The following DYSF variants were observed in gnomAD, a reference collection of about 807,000 sequenced individuals.
DYSF encodes dysferlin.
In DYSF, 212 loss-of-function variants were observed where a neutral mutation model predicts 274.9. That is an observed-to-expected ratio of 0.77 (90% CI 0.69 to 0.86). DYSF has a LOEUF of 0.86. Ranked by LOEUF, DYSF falls within the 40% of genes least tolerant of loss-of-function variation. DYSF has a pLI of 0.00. For missense variants in DYSF, 2,666 were observed against 2,783.2 expected (o/e 0.96, Z 0.95); for synonymous variants, 1,091 against 1,078.7 (o/e 1.01, Z -0.22).
At chr2:71,576,005 C>T (rs147268966) in intron 30 of DYSF, among the ~76,000 whole-genome samples, 80 of 152,322 alleles carry the variant, frequency 5.3e-4, no homozygotes, top group Non-Finnish European at 9.4e-4. Context: ...CAGCCCACAG[C>T]GCCACACTCT....
chr2:71,596,271 G>C (rs570209109), intron 32 of DYSF, among the ~76,000 whole-genome samples: 207 of 152,258 alleles, frequency 1.4e-3, no homozygotes, highest in Non-Finnish European at 2.5e-3. Context: ...CTGCTCGGGG[G>C]CCAGCGTGGG....
chr2:71,487,309 G>A (rs1169958092), intron 3 of DYSF, among the ~76,000 whole-genome samples: 4 of 152,174 alleles, frequency 2.6e-5, no homozygotes, highest in African/African-American at 9.7e-5. Context: ...TTTTGGAACA[G>A]TGTTTCCAAC....
At chr2:71,629,076 A>T (rs992427828) in intron 41 of DYSF, among the ~76,000 whole-genome samples, 3 of 152,158 alleles carry the variant, frequency 2.0e-5, no homozygotes, top group African/African-American at 7.2e-5. Context: ...TTCTCTCATC[A>T]TTTCTGGAAC....
chr2:71,515,580 C>T (rs1169512391), intron 7 of DYSF, 43 bp from the exon 8 acceptor site: 1 of 1,613,842 alleles, frequency 6.2e-7, no homozygotes, highest in African/African-American at 1.3e-5. Context: ...TGGTCCTTAA[C>T]TCTTCCCCCT....
intron 3 of DYSF, among the ~76,000 whole-genome samples, chr2:71,492,274 G>T (rs1267907626): frequency 6.6e-6 from 1 of 152,190 alleles, no homozygotes; most frequent in Non-Finnish European, 1.5e-5. Context: ...GCTCTGGAAT[G>T]TCCTGCTGTT....
chr2:71,539,212 A>T lies in DYSF; in HGVS notation c.1549A>T (p.Ile517Phe), dbSNP rs765472161. 5.1e-5 allele frequency: 82 copies of T among 1,613,792 alleles called. No homozygotes were observed. Among genetic ancestry groups the T allele is most frequent in the Non-Finnish European group, 6.6e-5 (78 of 1,179,972 alleles). The change falls in exon 17 of 56, where the codon ATC (isoleucine) becomes TTC (phenylalanine). Residue 517 changes from isoleucine to phenylalanine, a missense_variant. Transcript: ENST00000410020. ...VATTYLSMSK[I>F]SAPGGEIEVD... The stretch of plus-strand genomic sequence containing the variant: ...TACCACCTACCTGAGTATGTCGAAA[A>T]TCTCTGCCCCTGGAGGAGAAATAGA...
At chr2:71,616,380 T>G (rs963903690) in intron 40 of DYSF, among the ~76,000 whole-genome samples, 1 of 151,946 alleles carries the variant, frequency 6.6e-6, no homozygotes, top group African/African-American at 2.4e-5. Flanking sequence ...CTCACACGTA[T>G]TAACTCCACC....
At chr2:71,618,766 G>T (rs989831086) in intron 40 of DYSF, among the ~76,000 whole-genome samples, 4 of 151,680 alleles carry the variant, frequency 2.6e-5, no homozygotes, top group African/African-American at 9.7e-5. Context: ...GTGTGTCCGT[G>T]TGAGTGTGTT....
intron 17 of DYSF, among the ~76,000 whole-genome samples, chr2:71,548,519 G>T (rs574356742): frequency 2.6e-5 from 4 of 152,334 alleles, no homozygotes; most frequent in African/African-American, 9.6e-5. Context: ...GCAGAAATCA[G>T]AGAGGACAGT....
chr2:71,489,511 G>A (rs1361776392), intron 3 of DYSF, among the ~76,000 whole-genome samples: 1 of 152,224 alleles, frequency 6.6e-6, no homozygotes, highest in African/African-American at 2.4e-5. Context: ...GCCTGGCCTT[G>A]GTGCCATCTG....
chr2:71,676,336 G>A (rs1466344658), intron 52 of DYSF, among the ~76,000 whole-genome samples: 1 of 151,522 alleles, frequency 6.6e-6, no homozygotes, highest in Non-Finnish European at 1.5e-5. Context: ...AAAAAAAATT[G>A]CCAATAAGAT....
intron 30 of DYSF, among the ~76,000 whole-genome samples, chr2:71,579,081 C>G (rs1329880832): frequency 6.6e-6 from 1 of 152,196 alleles, no homozygotes; most frequent in East Asian, 1.9e-4. Flanking sequence ...TCCATCCAGC[C>G]TCCCTCTCCA....
At chr2:71,675,471 T>C (rs1380866878) in intron 52 of DYSF, among the ~76,000 whole-genome samples, 1 of 152,202 alleles carries the variant, frequency 6.6e-6, no homozygotes, top group African/African-American at 2.4e-5. Context: ...CGTTCTTAGC[T>C]GAGCCCTGGG....
At chr2:71,488,938 G>A (rs7573783) in intron 3 of DYSF, among the ~76,000 whole-genome samples, 1 of 151,186 alleles carries the variant, frequency 6.6e-6, no homozygotes, top group African/African-American at 2.5e-5. Context: ...ACTTTCCTGA[G>A]CCCCAATGCT....
chr2:71,671,761 A>G (rs934822110), intron 51 of DYSF, among the ~76,000 whole-genome samples: 12 of 152,304 alleles, frequency 7.9e-5, no homozygotes, highest in African/African-American at 2.6e-4. Flanking sequence ...TTGCTGATTA[A>G]GAATTTGGGG....
At chr2:71,637,206 T>G (rs573837455) in intron 41 of DYSF, among the ~76,000 whole-genome samples, 1 of 152,202 alleles carries the variant, frequency 6.6e-6, no homozygotes, top group East Asian at 1.9e-4. Flanking sequence ...CTAACTGGAA[T>G]GACCCAGAGG....
At chr2:71,636,461 C>T (rs867042965) in intron 41 of DYSF, among the ~76,000 whole-genome samples, 20 of 152,030 alleles carry the variant, frequency 1.3e-4, no homozygotes, top group African/African-American at 3.4e-4. Flanking sequence ...AAGTGCAGGT[C>T]GTGAGGAACA....
At chr2:71,659,694 G>A (rs2094842123) in intron 44 of DYSF, among the ~76,000 whole-genome samples, 1 of 152,214 alleles carries the variant, frequency 6.6e-6, no homozygotes, top group Admixed American at 6.5e-5. Flanking sequence ...AAGTGCGTGA[G>A]CTGTCTCCCT....
At chr2:71,493,412 C>A (rs756561221) in intron 3 of DYSF, among the ~76,000 whole-genome samples, 3 of 152,128 alleles carry the variant, frequency 2.0e-5, no homozygotes, top group Non-Finnish European at 4.4e-5. Flanking sequence ...AATATAGTAT[C>A]CCTTTTTTCT....
Sources: gnomAD v4.1 joint callset for allele counts (sites outside exome capture counted in the v4.1 genomes callset) on GRCh38, gnomAD v4.1.1 for gene constraint, MANE v1.5 for transcripts, NCBI Gene and HGNC (gene_info 2026-07-23, HGNC 2026-07-21) for gene names.